Variants in KIF5B observed in about 807,000 individuals in gnomAD.
KIF5B encodes the protein kinesin-1 heavy chain.
In KIF5B, 49 loss-of-function variants were observed where a neutral mutation model predicts 132.8. The ratio of observed to expected loss-of-function variants is 0.37; its 90% CI spans 0.29 to 0.47. The LOEUF is 0.47. Among genes scored for constraint, KIF5B ranks in the 20% least tolerant of loss-of-function variants. The pLI is 1.00. For missense variants in KIF5B, 780 were observed against 1,144.0 expected (o/e 0.68, Z 4.59); for synonymous variants, 355 against 369.4 (o/e 0.96, Z 0.45).
At chr10:32,040,680 C>T (rs1841523434) in intron 2 of KIF5B, among the ~76,000 whole-genome samples, 1 of 149,740 alleles carries the variant, frequency 6.7e-6, no homozygotes, top group Non-Finnish European at 1.5e-5. Flanking sequence ...CCCTTGCATA[C>T]TAAATTCTGT....
At position 32,022,897 on chromosome 10, in the gene KIF5B, A is replaced by G; in HGVS notation, c.1865T>C (p.Met622Thr). ...TGCTAACTCCTTTTCATTTTCTTCC[A>G]TTTTTTTGTTGCTCTCAGTTTGTGT... ...ESTQTESNKK[M>T]EENEKELAAC... The change falls in exon 16 of 26, where the codon ATG (methionine) becomes ACG (threonine). Residue 622 changes from methionine (M) to threonine (T), a missense_variant. Coordinates refer to ENST00000302418, the MANE Select transcript of KIF5B (RefSeq NM_004521.3). 6.2e-7 allele frequency: 1 copy of G among 1,613,212 alleles called. No homozygotes were observed. The highest frequency in any genetic ancestry group is 8.5e-7 in the Non-Finnish European group (1 of 1,179,472).
In KIF5B at chr10:32,017,412, A is replaced by G. The variant is rs1437003956; in HGVS notation, c.2545-53T>C. On this transcript the variant is annotated intron_variant, in intron 23 of 25. Transcript: ENST00000302418. ...TCCAGATTTAACAGGATGACTTGAA[A>G]AAGTATGAGCATTTCATAATTGCTC... 7 of 1,357,012 alleles carry G rather than the reference A, an allele frequency of 5.2e-6. No homozygotes were observed. In the South Asian group the frequency reaches 6.1e-5, roughly 12 times the overall value. The allele number at this position is 1,357,012 out of a possible 1,614,324, so 84.1% of individuals were successfully genotyped here.
rs1841254871 is a variant in KIF5B, at chr10:32,021,254, T to C, written c.2066A>G (p.Asn689Ser). ...AACTTCATTTGCAGTCTGAACCTTATTTAAGTGCTCCTTTTCCATTTCATG... is the reference window on the plus strand; with the variant it reads ...AACTTCATTTGCAGTCTGAACCTTACTTAAGTGCTCCTTTTCCATTTCATG... ...KVHEMEKEHL[N>S]KVQTANEVKQ... is the part of the protein sequence containing the mutation. The change falls in exon 18 of 26, where the codon AAT becomes AGT. Residue 689 changes from asparagine (N) to serine (S), a missense_variant. By Grantham distance (46) the Asn-to-Ser change is conservative. This residue lies in a region of KIF5B where 471 missense variants were observed against 569.9 expected (regional missense o/e 0.83). Transcript: ENST00000302418. 1.2e-6 allele frequency: 2 copies of C among 1,612,914 alleles called. No individual in the cohort carries two copies. The highest frequency in any genetic ancestry group is 1.7e-6 in the Non-Finnish European group (2 of 1,179,240).
At position 32,052,096 on chromosome 10, in the gene KIF5B, A is replaced by C. The variant is rs1287822998; in HGVS notation, c.127-3545T>G. Among the ~76,000 whole-genome samples, 3 of 152,222 alleles carry C rather than the reference A, an allele frequency of 2.0e-5. No individual in the cohort carries two copies. In the East Asian group the frequency reaches 5.8e-4, roughly 29 times the overall value. The stretch of plus-strand genomic sequence containing the variant: ...TGCATACCTTAGGTTCCTTAAGGGA[A>C]GTGATTCCTGTTTGAGTATGCACCG... On this transcript the variant is annotated intron_variant, in intron 1 of 25. Coordinates refer to ENST00000302418, the MANE Select transcript of KIF5B (RefSeq NM_004521.3).
In KIF5B at chr10:32,023,086, G is replaced by A. The variant is rs150489740; in HGVS notation, c.1726-50C>T. On this transcript the variant is annotated intron_variant, in intron 15 of 25. Coordinates refer to ENST00000302418, the MANE Select transcript of KIF5B (RefSeq NM_004521.3). ...AATTAAAGCCAAAAATGTTCAATGT[G>A]TGTTTTCCCAATTAGGCTATAAAAT... 7 of 1,077,010 alleles carry A rather than the reference G, an allele frequency of 6.5e-6. No homozygotes were observed. The East Asian group carries it at 1.8e-4, about 28-fold the overall frequency. The allele number at this position is 1,077,010 out of a possible 1,614,324, so 66.7% of individuals were successfully genotyped here.
chr10:32,022,834 G>A lies in KIF5B; in HGVS notation c.1914+14C>T, dbSNP rs754543734. 1 of 1,532,196 alleles carries A rather than the reference G, an allele frequency of 6.5e-7. No homozygotes were observed. The highest frequency in any genetic ancestry group is 1.9e-5 in the Admixed American group (1 of 53,630). The allele number at this position is 1,532,196 out of a possible 1,614,324, so 94.9% of individuals were successfully genotyped here. On this transcript the variant is annotated intron_variant, in intron 16 of 25. Transcript: ENST00000302418. ...TGTTTCAAAAAAATGAATAAACTTT[G>A]TTCTATAACATACTTGAGAGATACG...
At chr10:32,027,885 G>T (rs370072436) in intron 15 of KIF5B, among the ~76,000 whole-genome samples, 1 of 152,104 alleles carries the variant, frequency 6.6e-6, no homozygotes, top group Non-Finnish European at 1.5e-5. Flanking sequence ...TTACAGGCTT[G>T]AGCCACTATG....
Position 32,035,790 on chromosome 10 carries a change from TTCTCTC to T in KIF5B, c.816+94_816+99del, listed in dbSNP as rs150931224. On this transcript the variant is annotated intron_variant, in intron 9 of 25. Coordinates refer to ENST00000302418, the MANE Select transcript of KIF5B (RefSeq NM_004521.3). Reference sequence around the variant, plus strand: ...AAACACATTGAATCTCAATCTCTCTTTCTCTCTCTCTCTCTCATACACACCCAGGCA... The same window carrying T: ...AAACACATTGAATCTCAATCTCTCTTTCTCTCTCTCATACACACCCAGGCA... The T allele has an allele frequency of 6.4e-6, 8 of 1,254,340 alleles. No individual in the cohort carries two copies. In the East Asian group the frequency reaches 1.2e-4, roughly 19 times the overall value. 77.7% of individuals were successfully genotyped at this position (1,254,340 alleles called of 1,614,324 possible).
rs1468359046 is a variant in KIF5B, at chr10:32,022,204, C to T, written c.1968G>A (p.Lys656=). 3 of 1,613,518 alleles carry T rather than the reference C, an allele frequency of 1.9e-6. No homozygotes were observed. The highest frequency in any genetic ancestry group is 2.5e-6 in the Non-Finnish European group (3 of 1,179,784). The part of the protein sequence containing the change: ...LTEYLQNVEQ[K]KRQLEESVDA... The stretch of plus-strand genomic sequence containing the variant: ...CGACAGATTCCTCCAACTGTCTTTT[C>T]TTTTGTTCCACATTTTGAAGGTATT... Residue 656 remains lysine, a synonymous_variant, in exon 17 of 26, where the codon AAG becomes AAA. Coordinates refer to ENST00000302418, the MANE Select transcript of KIF5B (RefSeq NM_004521.3).
chr10:32,048,671 T>C (rs1197950302), intron 1 of KIF5B, 120 bp from the exon 2 acceptor site: 1 of 618,050 alleles, frequency 1.6e-6, no homozygotes, highest in Non-Finnish European at 2.8e-6. Flanking sequence ...GTATGCATAA[T>C]TTGGTATCAT....
chr10:32,024,444 G>A (rs1298286610), intron 15 of KIF5B, among the ~76,000 whole-genome samples: 3 of 147,792 alleles, frequency 2.0e-5, no homozygotes, highest in Non-Finnish European at 4.5e-5. Flanking sequence ...GTGAGCCACC[G>A]CGCCCGGCCG....
chr10:32,046,654 G>A (rs1357324688), intron 2 of KIF5B, among the ~76,000 whole-genome samples: 1 of 152,098 alleles, frequency 6.6e-6, no homozygotes, highest in Non-Finnish European at 1.5e-5. Flanking sequence ...CTGGCCTCAA[G>A]CAATCCTCCC....
At chr10:32,026,047 A>G (rs559152759) in intron 15 of KIF5B, among the ~76,000 whole-genome samples, 2 of 152,296 alleles carry the variant, frequency 1.3e-5, no homozygotes, top group East Asian at 3.9e-4. Context: ...CGGACCTATA[A>G]TATTATGCAC....
chr10:32,023,661 G>C (rs1318781084), intron 15 of KIF5B, among the ~76,000 whole-genome samples: 1 of 152,144 alleles, frequency 6.6e-6, no homozygotes, highest in African/African-American at 2.4e-5. Flanking sequence ...GTACAGTGCT[G>C]GCAAAGAACA....
At chr10:32,041,141 G>T (rs1841532115) in intron 2 of KIF5B, among the ~76,000 whole-genome samples, 4 of 116,354 alleles carry the variant, frequency 3.4e-5, no homozygotes, top group Admixed American at 1.0e-4. Context: ...GTGAGACTCT[G>T]TCTCAAAAAA....
rs1564463801 is a variant in KIF5B, at chr10:32,021,786, C to T, written c.2032+354G>A. ...AGGAGATCAAGACCATCCTGCGTAA[C>T]ACGGTGAAGCCCTGTCTCTACAAAA... is the stretch of plus-strand genomic sequence containing the variant. On this transcript the variant is annotated intron_variant, in intron 17 of 25. Transcript: ENST00000302418. Among the ~76,000 whole-genome samples, 3 of 152,080 alleles carry T rather than the reference C, an allele frequency of 2.0e-5. No individual in the cohort carries two copies. The South Asian group carries it at 6.2e-4, about 31-fold the overall frequency.
At chr10:32,036,718 T>C (rs1841464177) in intron 8 of KIF5B, among the ~76,000 whole-genome samples, 1 of 152,208 alleles carries the variant, frequency 6.6e-6, no homozygotes, top group African/African-American at 2.4e-5. Context: ...AATAGATATA[T>C]CATTCTAAGC....
chr10:32,025,314 T>G (rs977450415), intron 15 of KIF5B, among the ~76,000 whole-genome samples: 17 of 152,184 alleles, frequency 1.1e-4, no homozygotes, highest in African/African-American at 4.1e-4. Context: ...AACCTAGCAC[T>G]TCTAGGTATT....
chr10:32,032,013 A>G (rs896746207), intron 13 of KIF5B, among the ~76,000 whole-genome samples: 30 of 150,998 alleles, frequency 2.0e-4, no homozygotes, highest in Admixed American at 2.7e-4. Flanking sequence ...AACAAAAACA[A>G]AACCTGGTAT....
Sources: allele counts gnomAD v4.1 joint callset (sites outside exome capture counted in the v4.1 genomes callset), GRCh38; gene constraint gnomAD v4.1.1; regional missense constraint gnomAD v4.1.1; transcripts MANE v1.5; gene names NCBI Gene and HGNC (gene_info 2026-07-23, HGNC 2026-07-21).